Variants in SPMIP11 observed in about 807,000 individuals in gnomAD.
SPMIP11 encodes long intergenic non-protein coding RNA 935.
chr12:48,755,614 T>C, the SPMIP11 span, among the ~76,000 whole-genome samples: 1 of 152,150 alleles, frequency 6.6e-6, no homozygotes, highest in Non-Finnish European at 1.5e-5. Context: ...TGGTGCTTGA[T>C]TCCATAGGAA....
At chr12:48,760,294 C>T in the SPMIP11 span, among the ~76,000 whole-genome samples, 1 of 152,082 alleles carries the variant, frequency 6.6e-6, no homozygotes, top group African/African-American at 2.4e-5. Context: ...TTGCCTCAGT[C>T]TCCTGAGTAG....
chr12:48,762,205 C>T, the SPMIP11 span, among the ~76,000 whole-genome samples: 1 of 149,464 alleles, frequency 6.7e-6, no homozygotes, highest in East Asian at 2.0e-4. Context: ...ACTACAGGCG[C>T]CTGCCACCAT....
chr12:48,737,763 G>C, the SPMIP11 span, among the ~76,000 whole-genome samples: 2 of 151,640 alleles, frequency 1.3e-5, no homozygotes, highest in South Asian at 4.2e-4. Context: ...ACTACCATTT[G>C]TCAGCTATAA....
chr12:48,764,857 A>G, the SPMIP11 span: 7 of 702,738 alleles, frequency 1.0e-5, no homozygotes, highest in Non-Finnish European at 1.8e-5. Flanking sequence ...TCAGTTCCCA[A>G]TCAGGTCTTC....
At chr12:48,757,952 C>T in the SPMIP11 span, among the ~76,000 whole-genome samples, 2 of 152,002 alleles carry the variant, frequency 1.3e-5, no homozygotes, top group Admixed American at 6.6e-5. Flanking sequence ...CAAGATCATG[C>T]CACTGCACTC....
the SPMIP11 span, chr12:48,759,223 G>C: frequency 2.8e-6 from 2 of 702,882 alleles, no homozygotes; most frequent in African/African-American, 1.7e-5. Flanking sequence ...GAAGGAACCA[G>C]AGCCTACTAG....
chr12:48,765,810 G>A, the SPMIP11 span: 2 of 628,438 alleles, frequency 3.2e-6, no homozygotes, highest in South Asian at 1.8e-5. Flanking sequence ...GTGCACGGGG[G>A]GAGCTGTGGG....
At chr12:48,729,209 G>A in the SPMIP11 span, among the ~76,000 whole-genome samples, 1 of 152,040 alleles carries the variant, frequency 6.6e-6, no homozygotes, top group East Asian at 1.9e-4. Flanking sequence ...AGACCATCCT[G>A]GCCAACATGG....
At chr12:48,759,411 G>A in the SPMIP11 span, 1,216 of 676,114 alleles carry the variant, frequency 1.8e-3, 7 homozygotes, top group South Asian at 0.011. Context: ...GGATGAGGCC[G>A]GGCTTGGTGG....
chr12:48,749,159 G>C, the SPMIP11 span, among the ~76,000 whole-genome samples: 3 of 152,000 alleles, frequency 2.0e-5, no homozygotes, highest in Non-Finnish European at 2.9e-5. Flanking sequence ...CTACTTGGGA[G>C]GCTGAGGCAG....
chr12:48,742,096 TGTA>T, the SPMIP11 span, among the ~76,000 whole-genome samples: 1 of 152,086 alleles, frequency 6.6e-6, no homozygotes, highest in African/African-American at 2.4e-5. Flanking sequence ...AAAAATTTTT[TGTA>T]GACACAGGGT....
chr12:48,759,696 T>G, the SPMIP11 span, among the ~76,000 whole-genome samples: 3 of 143,050 alleles, frequency 2.1e-5, no homozygotes, highest in East Asian at 2.0e-4. Context: ...ATGGCTGGGA[T>G]GTGGTTGGGT....
chr12:48,744,780 GA>G, the SPMIP11 span, among the ~76,000 whole-genome samples: 1 of 149,306 alleles, frequency 6.7e-6, no homozygotes, highest in East Asian at 2.0e-4. Flanking sequence ...AGAGGAAGAG[GA>G]GGGGGAGGAG....
At chr12:48,735,756 T>C in the SPMIP11 span, among the ~76,000 whole-genome samples, 14 of 152,070 alleles carry the variant, frequency 9.2e-5, no homozygotes, top group South Asian at 2.9e-3. Context: ...TGGTGACACA[T>C]GCCTGTAATC....
At chr12:48,753,141 AC>A in the SPMIP11 span, among the ~76,000 whole-genome samples, 1 of 152,152 alleles carries the variant, frequency 6.6e-6, no homozygotes, top group Non-Finnish European at 1.5e-5. Flanking sequence ...AAGTCCAGGC[AC>A]CCAGAACACT....
the SPMIP11 span, among the ~76,000 whole-genome samples, chr12:48,748,217 T>G: frequency 3.3e-5 from 5 of 152,302 alleles, no homozygotes; most frequent in African/African-American, 1.2e-4. Context: ...TGGTTCCTTT[T>G]GTGTACTGGA....
the SPMIP11 span, among the ~76,000 whole-genome samples, chr12:48,754,389 T>C: frequency 4.6e-5 from 7 of 151,938 alleles, no homozygotes; most frequent in Non-Finnish European, 1.0e-4. Flanking sequence ...TAAACTCAAG[T>C]GATTCTCCTG....
chr12:48,759,264 T>G, the SPMIP11 span: 2 of 702,982 alleles, frequency 2.8e-6, no homozygotes, highest in Non-Finnish European at 5.2e-6. Flanking sequence ...AAGATGGGAA[T>G]TATTCCGTGC....
At chr12:48,756,723 C>T in the SPMIP11 span, among the ~76,000 whole-genome samples, 1 of 151,334 alleles carries the variant, frequency 6.6e-6, no homozygotes, top group Non-Finnish European at 1.5e-5. Flanking sequence ...TCCAGGAATA[C>T]AGAATCGAGG....
Sources: gnomAD v4.1 joint callset for allele counts (sites outside exome capture counted in the v4.1 genomes callset) on GRCh38, gnomAD v4.1.1 for gene constraint, MANE v1.5 for transcripts, NCBI Gene and HGNC (gene_info 2026-07-23, HGNC 2026-07-21) for gene names.